Variants in CCDC7 observed in about 807,000 individuals in gnomAD.
CCDC7 encodes the protein coiled-coil domain-containing protein 7.
Under a neutral mutation model 196.9 loss-of-function variants are expected in CCDC7, and 183 were observed. That is an observed-to-expected ratio of 0.93 (90% confidence interval 0.82 to 1.05). CCDC7 has a LOEUF of 1.05. Ranked by LOEUF, CCDC7 falls within the 50% of genes least tolerant of loss-of-function variation. The pLI, the probability that CCDC7 is intolerant of heterozygous loss-of-function variation, is 0.00. For missense variants in CCDC7, 1,540 were observed against 1,482.2 expected, an observed-to-expected ratio of 1.04 and a Z score of -0.64; for synonymous variants, 525 against 484.6, an observed-to-expected ratio of 1.08 and a Z score of -1.10.
At chr10:32,613,131 T>G (rs1392054871) in intron 18 of CCDC7, among the ~76,000 whole-genome samples, 1 of 151,978 alleles carries the variant, frequency 6.6e-6, no homozygotes, top group Non-Finnish European at 1.5e-5. Context: ...GATTCTGTTT[T>G]TTCCTGGTTT....
At chr10:32,782,932 A>G (rs919788395) in intron 29 of CCDC7, among the ~76,000 whole-genome samples, 9 of 152,376 alleles carry the variant, frequency 5.9e-5, no homozygotes, top group East Asian at 3.9e-4. Flanking sequence ...TGCTTTCACA[A>G]AAAGACAGTC....
At chr10:32,829,671 T>A (rs970364475) in intron 32 of CCDC7, among the ~76,000 whole-genome samples, 9 of 152,256 alleles carry the variant, frequency 5.9e-5, no homozygotes, top group African/African-American at 2.2e-4. Flanking sequence ...TCTCAGGAGA[T>A]GTGTACGGGT....
intron 28 of CCDC7, among the ~76,000 whole-genome samples, chr10:32,768,737 C>CTT (rs1435827703): frequency 6.6e-6 from 1 of 152,070 alleles, no homozygotes; most frequent in South Asian, 2.1e-4. Context: ...AAATGCTGAA[C>CTT]TTTATCAAAT....
At chr10:32,545,946 A>G (rs2052385888) in intron 13 of CCDC7, among the ~76,000 whole-genome samples, 1 of 152,056 alleles carries the variant, frequency 6.6e-6, no homozygotes, top group African/African-American at 2.4e-5. Flanking sequence ...CCTCTGGAAA[A>G]AATGACGCAT....
Position 32,835,518 on chromosome 10 carries a change from A to G in CCDC7, c.3352+620A>G, listed in dbSNP as rs562803793. Among the ~76,000 whole-genome samples the G allele has an allele frequency of 2.0e-5, 3 of 152,258 alleles. No individual in the cohort carries two copies. The East Asian group carries it at 5.8e-4, about 29-fold the overall frequency. ...AATGCAGACATAAAAAAGAAACAAG[A>G]TCATGTCCTTTGCAGGGACATGGAT... On this transcript the variant is annotated intron_variant, in intron 33 of 41. Transcript: ENST00000639629.
rs532390842 is a variant in CCDC7 at position 32,639,772 on chromosome 10, G to A, written c.2014+4614G>A. On this transcript the variant is annotated intron_variant, in intron 20 of 41. Transcript: ENST00000639629. ...CCTCTCCGAGTAGCTGGGACTACAG[G>A]TGCCCGCCAGCACTGCCGGCTAATT... Among the ~76,000 whole-genome samples the A allele has an allele frequency of 1.4e-3, 218 of 152,100 alleles. 1 individual carries two copies. The highest frequency in any genetic ancestry group is 5.0e-3 in the African/African-American group (207 of 41,482).
chr10:32,462,154 C>T (rs556522013), intron 3 of CCDC7, among the ~76,000 whole-genome samples: 2 of 152,184 alleles, frequency 1.3e-5, no homozygotes, highest in African/African-American at 4.8e-5. Flanking sequence ...TAGGGCCAGG[C>T]ATGATGGCTC....
rs532022701 is a variant in CCDC7 at position 32,543,421 on chromosome 10, T to C, written c.1079+36T>C. 3.2e-6 allele frequency: 4 copies of C among 1,263,240 alleles called. No individual in the cohort carries two copies. In the South Asian group the frequency reaches 7.7e-5, roughly 24 times the overall value. 78.3% of individuals were successfully genotyped at this position (1,263,240 alleles called of 1,614,324 possible). A position where few individuals can be genotyped will look rare whatever the true frequency, so the allele number is the denominator to read the frequency against. The stretch of plus-strand genomic sequence containing the variant: ...AAGATACATGTTAATCTTTTTTTCC[T>C]TGTTAATTTATATTTTCTTTTTATA... On this transcript the variant is annotated intron_variant, in intron 12 of 41. Transcript: ENST00000639629.
At chr10:32,848,533 T>C (rs1374702427) in intron 38 of CCDC7, 63 bp from the exon 40 acceptor site, 2 of 1,176,476 alleles carry the variant, frequency 1.7e-6, no homozygotes, top group Non-Finnish European at 2.4e-6. Flanking sequence ...TACGTGGAGA[T>C]GGGATTAGTG....
chr10:32,593,830 G>T (rs1372316569), intron 18 of CCDC7, among the ~76,000 whole-genome samples: 5 of 152,086 alleles, frequency 3.3e-5, no homozygotes, highest in Non-Finnish European at 4.4e-5. Flanking sequence ...ACTTGTTGTT[G>T]TCAGGTTTGT....
intron 31 of CCDC7, among the ~76,000 whole-genome samples, chr10:32,821,318 G>A (rs1593129556): frequency 6.6e-6 from 1 of 152,080 alleles, no homozygotes; most frequent in Non-Finnish European, 1.5e-5. Context: ...AACAACAGGT[G>A]CTGGAGAGGA....
chr10:32,560,709 G>A (rs1255435578), intron 13 of CCDC7, among the ~76,000 whole-genome samples: 2 of 152,012 alleles, frequency 1.3e-5, no homozygotes, highest in African/African-American at 2.4e-5. Context: ...ACCAGCCACT[G>A]CAAAAACATG....
intron 11 of CCDC7, among the ~76,000 whole-genome samples, chr10:32,522,069 T>C (rs923937576): frequency 5.3e-5 from 8 of 152,190 alleles, no homozygotes; most frequent in African/African-American, 1.9e-4. Context: ...TATTGGTGAA[T>C]GTGTTTTGTT....
intron 21 of CCDC7, among the ~76,000 whole-genome samples, chr10:32,666,786 T>C (rs1442246828): frequency 1.3e-5 from 2 of 152,148 alleles, no homozygotes; most frequent in Admixed American, 6.6e-5. Flanking sequence ...TGTTGGACAT[T>C]TGGGTTGGTT....
intron 33 of CCDC7, among the ~76,000 whole-genome samples, chr10:32,839,059 T>C (rs2092805254): frequency 1.3e-5 from 2 of 151,732 alleles, no homozygotes; most frequent in Non-Finnish European, 2.9e-5. Context: ...ACAGGACCCA[T>C]ATAACATTAA....
At chr10:32,613,653 C>T (rs2062437634) in intron 18 of CCDC7, among the ~76,000 whole-genome samples, 1 of 152,014 alleles carries the variant, frequency 6.6e-6, no homozygotes, top group Admixed American at 6.6e-5. Flanking sequence ...TTTATTTCTG[C>T]CTTAATTTTG....
At chr10:32,567,851 G>A (rs1470627972) in exon 15 of CCDC7, 1 of 1,613,502 alleles carries the variant, frequency 6.2e-7, no homozygotes, top group South Asian at 1.1e-5. Context: ...TCAGATTCAG[G>A]TGGACAAAGG....
intron 18 of CCDC7, among the ~76,000 whole-genome samples, chr10:32,587,750 CT>C (rs1196034916): frequency 6.6e-6 from 1 of 152,156 alleles, no homozygotes; most frequent in Non-Finnish European, 1.5e-5. Flanking sequence ...GCCTTTGTTT[CT>C]TTTTATTTTC....
chr10:32,834,720 T>C lies in CCDC7; in HGVS notation c.3269-95T>C, dbSNP rs1472554368. On this transcript the variant is annotated intron_variant, in intron 32 of 41. Transcript: ENST00000639629. ...CTGATGCTAATTAAGTTATTACTAT[T>C]CATACATACAAATATACTATCACAT... is the stretch of plus-strand genomic sequence containing the variant. 4 of 540,764 alleles carry C rather than the reference T, an allele frequency of 7.4e-6. No homozygotes were observed. In the East Asian group the frequency reaches 1.4e-4, roughly 19 times the overall value. 33.5% of individuals were successfully genotyped at this position (540,764 alleles called of 1,614,324 possible).
Sources: allele counts gnomAD v4.1 joint callset (sites outside exome capture counted in the v4.1 genomes callset), GRCh38; gene constraint gnomAD v4.1.1; transcripts MANE v1.5; gene names NCBI Gene and HGNC (gene_info 2026-07-23, HGNC 2026-07-21).